Variants in CTNNA1 observed in about 807,000 individuals in gnomAD.
CTNNA1 encodes the protein catenin alpha 1.
CTNNA1 carries 37 observed loss-of-function variants against 98.4 expected under a neutral mutation model. The ratio of observed to expected loss-of-function variants is 0.38; its 90% CI spans 0.29 to 0.49. CTNNA1 has a LOEUF of 0.49. Ranked by LOEUF, CTNNA1 falls within the 20% of genes least tolerant of loss-of-function variation. The pLI is 0.95. For missense variants in CTNNA1, 761 were observed against 1,147.2 expected (o/e 0.66, Z 4.86); for synonymous variants, 404 against 413.2 (o/e 0.98, Z 0.27).
intron 7 of CTNNA1, chr5:138,870,207 G>C (rs1035373246): frequency 6.6e-6 from 1 of 152,216 alleles, no homozygotes; most frequent in African/African-American, 2.4e-5. Context: ...CTGTGATGCT[G>C]TTCCGTTCTA....
chr5:138,795,904 T>G (rs1364047942), intron 3 of CTNNA1, among the ~76,000 whole-genome samples: 1 of 152,218 alleles, frequency 6.6e-6, no homozygotes, highest in Non-Finnish European at 1.5e-5. Context: ...GAGATGAAAC[T>G]AATGGTTAAC....
intron 7 of CTNNA1, among the ~76,000 whole-genome samples, chr5:138,841,817 T>C (rs772324513): frequency 3.9e-5 from 6 of 152,216 alleles, no homozygotes; most frequent in Non-Finnish European, 8.8e-5. Context: ...CTTTAATGTT[T>C]GCAGTTTATA....
intron 10 of CTNNA1, among the ~76,000 whole-genome samples, chr5:138,917,492 A>C (rs916673237): frequency 4.6e-5 from 7 of 152,200 alleles, no homozygotes; most frequent in African/African-American, 1.4e-4. Context: ...GTGTCACTGA[A>C]AATGGTAGGC....
chr5:138,794,391 C>T (rs1244517962), intron 3 of CTNNA1, among the ~76,000 whole-genome samples: 1 of 152,072 alleles, frequency 6.6e-6, no homozygotes, highest in East Asian at 1.9e-4. Context: ...CCAGAAAGTT[C>T]TCTTAAGGCA....
At chr5:138,794,766 A>G (rs1342700010) in intron 3 of CTNNA1, among the ~76,000 whole-genome samples, 1 of 152,218 alleles carries the variant, frequency 6.6e-6, no homozygotes, top group African/African-American at 2.4e-5. Flanking sequence ...TAGGAAACAT[A>G]TATTAACTTT....
chr5:138,900,956 G>A (rs1581589075), intron 9 of CTNNA1, among the ~76,000 whole-genome samples: 1 of 152,158 alleles, frequency 6.6e-6, no homozygotes, highest in Admixed American at 6.5e-5. Flanking sequence ...CTACCTCTTC[G>A]AATAGTGGGA....
chr5:138,753,542 GTC>G (rs1436579196), intron 1 of CTNNA1, 32 bp downstream of exon 1: 3 of 374,884 alleles, frequency 8.0e-6, no homozygotes, highest in East Asian at 3.8e-5. Flanking sequence ...CGCGGGCGCG[GTC>G]TCTCGGGCCA....
chr5:138,791,787 C>CTT (rs1168548486), intron 3 of CTNNA1, among the ~76,000 whole-genome samples: 4,594 of 92,180 alleles, frequency 0.05, 382 homozygotes, highest in African/African-American at 0.14. Context: ...GTTTTCTCAG[C>CTT]TTTTTTTTTT....
chr5:138,930,718 C>A (rs556496794), intron 15 of CTNNA1, 64 bp downstream of exon 15: 5 of 1,570,892 alleles, frequency 3.2e-6, no homozygotes, highest in Non-Finnish European at 3.5e-6. Context: ...AGGTCACCTG[C>A]GCAGCGGCTC....
chr5:138,881,144 C>A (rs1478939456), intron 7 of CTNNA1: 2 of 455,882 alleles, frequency 4.4e-6, no homozygotes, highest in Non-Finnish European at 8.8e-6. Flanking sequence ...TGAGGTAAGA[C>A]TGTCCTCCTT....
rs150349447 is a variant in CTNNA1 at position 138,795,923 on chromosome 5, C to T, written c.301+12551C>T. On this transcript the variant is annotated intron_variant, in intron 3 of 17. Transcript: ENST00000302763. ...TGAAACTAATGGTTAACATTTTTGTCCTAAATGCTTTCCAGTTTGTCTTCT... is the reference window on the plus strand; with the variant it reads ...TGAAACTAATGGTTAACATTTTTGTTCTAAATGCTTTCCAGTTTGTCTTCT... 3.1e-4 allele frequency among the ~76,000 whole-genome samples: 47 copies of T among 152,134 alleles called. No homozygotes were observed. In the East Asian group the frequency reaches 9.1e-3, roughly 29 times the overall value.
chr5:138,841,647 G>A (rs1179523101), intron 7 of CTNNA1, among the ~76,000 whole-genome samples: 1 of 152,124 alleles, frequency 6.6e-6, no homozygotes, highest in Non-Finnish European at 1.5e-5. Flanking sequence ...TGCCATTAGG[G>A]CTTTTTGTAA....
At chr5:138,931,595 C>T (rs1765347821) in intron 16 of CTNNA1, 1 of 985,324 alleles carries the variant, frequency 1.0e-6, no homozygotes, top group African/African-American at 1.7e-5. Context: ...CCTATTGCTT[C>T]CATTGGCCAA....
chr5:138,815,630 A>T (rs571715985), intron 5 of CTNNA1, among the ~76,000 whole-genome samples: 2 of 152,234 alleles, frequency 1.3e-5, no homozygotes, highest in East Asian at 3.9e-4. Context: ...GTCCATACCT[A>T]TGTATGATAG....
intron 7 of CTNNA1, among the ~76,000 whole-genome samples, chr5:138,851,409 T>C (rs1472160653): frequency 6.6e-6 from 1 of 152,118 alleles, no homozygotes; most frequent in Admixed American, 6.5e-5. Flanking sequence ...GACAGCATCT[T>C]TGAAGAATAG....
At chr5:138,912,643 T>C (rs1308721490) in intron 10 of CTNNA1, among the ~76,000 whole-genome samples, 2 of 152,222 alleles carry the variant, frequency 1.3e-5, no homozygotes, top group Non-Finnish European at 2.9e-5. Context: ...TATGTCACAC[T>C]GTACTGGGGC....
At chr5:138,819,728 G>A (rs991852936) in intron 5 of CTNNA1, among the ~76,000 whole-genome samples, 2 of 152,096 alleles carry the variant, frequency 1.3e-5, no homozygotes, top group South Asian at 2.1e-4. Flanking sequence ...TCTAAGCAGC[G>A]AAGGTACTGT....
chr5:138,872,737 A>C, intron 7 of CTNNA1: 1 of 311,560 alleles, frequency 3.2e-6, no homozygotes. Context: ...TTTACACACG[A>C]TTGTATATAA....
intron 10 of CTNNA1, among the ~76,000 whole-genome samples, chr5:138,911,345 TCCTAATTC>T (rs1561718267): frequency 6.6e-6 from 1 of 152,146 alleles, no homozygotes; most frequent in East Asian, 1.9e-4. Flanking sequence ...CATGTCAATT[TCCTAATTC>T]CCTAAGCCCA....
Sources: gnomAD v4.1 joint callset for allele counts (sites outside exome capture counted in the v4.1 genomes callset) on GRCh38, gnomAD v4.1.1 for gene constraint, MANE v1.5 for transcripts, NCBI Gene and HGNC (gene_info 2026-07-23, HGNC 2026-07-21) for gene names.